The following SMAP1 variants were observed in gnomAD, a reference collection of about 807,000 sequenced individuals.
The protein encoded by SMAP1 is small ArfGAP 1, also known as stromal membrane-associated protein 1.
SMAP1 carries 24 observed loss-of-function variants against 58.5 expected under a neutral mutation model. The ratio of observed to expected loss-of-function variants is 0.41; its 90% CI spans 0.30 to 0.58. The LOEUF is 0.58. Among genes scored for constraint, SMAP1 ranks in the 20% least tolerant of loss-of-function variants. SMAP1 has a pLI of 0.29. For missense variants in SMAP1, 563 were observed against 566.3 expected (o/e 0.99, Z 0.06); for synonymous variants, 216 against 196.6 (o/e 1.10, Z -0.82).
intron 3 of SMAP1, among the ~76,000 whole-genome samples, chr6:70,767,472 G>C (rs527772360): frequency 6.6e-6 from 1 of 152,254 alleles, no homozygotes; most frequent in East Asian, 1.9e-4. Flanking sequence ...CACATCCCTT[G>C]TAAGTTGGAT....
chr6:70,858,859 G>T (rs1160163595), intron 10 of SMAP1: 1 of 152,910 alleles, frequency 6.5e-6, no homozygotes. Flanking sequence ...ATTCCCATAA[G>T]GTGTGAACCA....
At chr6:70,753,402 T>C (rs972677368) in intron 2 of SMAP1, among the ~76,000 whole-genome samples, 1 of 152,216 alleles carries the variant, frequency 6.6e-6, no homozygotes, top group African/African-American at 2.4e-5. Context: ...CATTGCAGAC[T>C]AAGGCATTTT....
chr6:70,733,763 A>G (rs1765516326), intron 2 of SMAP1, among the ~76,000 whole-genome samples: 1 of 152,196 alleles, frequency 6.6e-6, no homozygotes, highest in Non-Finnish European at 1.5e-5. Flanking sequence ...GGTACAAAGC[A>G]TTCACGACCG....
At chr6:70,857,090 T>C in intron 9 of SMAP1, 60 bp downstream of exon 9, 3 of 1,442,214 alleles carry the variant, frequency 2.1e-6, no homozygotes, top group South Asian at 1.5e-5. Context: ...TTTGTAATTA[T>C]ATAATAAGAT....
intron 1 of SMAP1, among the ~76,000 whole-genome samples, chr6:70,699,959 C>G (rs1229079982): frequency 6.6e-6 from 1 of 151,830 alleles, no homozygotes; most frequent in African/African-American, 2.4e-5. Flanking sequence ...TTCCTTTCCT[C>G]AAGCAGAAGG....
intron 4 of SMAP1, among the ~76,000 whole-genome samples, chr6:70,785,906 G>A (rs867702740): frequency 6.6e-6 from 1 of 152,040 alleles, no homozygotes; most frequent in Non-Finnish European, 1.5e-5. Flanking sequence ...CTTCTGAAAC[G>A]ATTCCAATCA....
At chr6:70,746,406 C>T (rs760605303) in intron 2 of SMAP1, among the ~76,000 whole-genome samples, 1 of 152,102 alleles carries the variant, frequency 6.6e-6, no homozygotes, top group Non-Finnish European at 1.5e-5. Context: ...TGTCAAAGGC[C>T]TTTTCTGCAT....
In SMAP1 at chr6:70,837,953, C is replaced by T. The variant is rs533024902; in HGVS notation, c.664+925C>T. The T allele has an allele frequency of 2.0e-4, 223 of 1,096,484 alleles. No individual in the cohort carries two copies. The East Asian group carries it at 2.5e-3, about 12-fold the overall frequency. The allele number at this position is 1,096,484 out of a possible 1,614,324, so 67.9% of individuals were successfully genotyped here. ...TTCATTTCTTAGGAAGCTGGTACAT[C>T]GTACAAATATACTCCCTGGAGGTAC... is the stretch of plus-strand genomic sequence containing the variant. On this transcript the variant is annotated intron_variant, in intron 7 of 10. Transcript: ENST00000370455.
intron 1 of SMAP1, among the ~76,000 whole-genome samples, chr6:70,675,592 A>G (rs957112722): frequency 7.3e-5 from 11 of 151,518 alleles, no homozygotes; most frequent in African/African-American, 2.4e-4. Context: ...CGGAGCTTAC[A>G]GTGAGCCAAG....
rs1766094930 is a variant in SMAP1, at chr6:70,667,967, T to G, written c.-57T>G. 4 of 1,473,396 alleles carry G rather than the reference T, an allele frequency of 2.7e-6. No individual in the cohort carries two copies. The South Asian group carries it at 4.9e-5, about 18-fold the overall frequency. The allele number at this position is 1,473,396 out of a possible 1,614,324, so 91.3% of individuals were successfully genotyped here. On this transcript the variant is annotated 5_prime_UTR_variant, in exon 1 of 11. Transcript: ENST00000370455. ...GCCAGGTGCGTTCACTCTGCCCGGC[T>G]CCAGCCAGCGTCCGCCGCCGCCGTA...
intron 4 of SMAP1, among the ~76,000 whole-genome samples, chr6:70,786,657 A>G (rs555023480): frequency 2.0e-5 from 3 of 152,314 alleles, no homozygotes; most frequent in South Asian, 4.1e-4. Flanking sequence ...TTATACATCA[A>G]TAACAGACAA....
chr6:70,678,218 C>T (rs747499471), intron 1 of SMAP1, among the ~76,000 whole-genome samples: 48 of 152,064 alleles, frequency 3.2e-4, no homozygotes, highest in Non-Finnish European at 6.6e-4. Flanking sequence ...TTTTTGGTCT[C>T]CATTTGACTA....
intron 10 of SMAP1, 188 bp downstream of exon 10, chr6:70,858,417 T>C: frequency 1.9e-6 from 1 of 525,964 alleles, no homozygotes; most frequent in South Asian, 3.4e-5. Context: ...ACAAATGATG[T>C]GTTATTATCG....
chr6:70,786,837 G>T (rs1650007935), intron 4 of SMAP1, among the ~76,000 whole-genome samples: 1 of 152,192 alleles, frequency 6.6e-6, no homozygotes, highest in Non-Finnish European at 1.5e-5. Context: ...CATGCTCATG[G>T]ACAGGAAGAA....
intron 4 of SMAP1, among the ~76,000 whole-genome samples, chr6:70,788,390 T>C (rs1768173313): frequency 1.3e-5 from 2 of 151,836 alleles, no homozygotes; most frequent in Non-Finnish European, 1.5e-5. Context: ...ACATGGCACA[T>C]GTATACATAT....
chr6:70,710,134 A>G (rs1767993754), intron 1 of SMAP1, among the ~76,000 whole-genome samples: 1 of 152,186 alleles, frequency 6.6e-6, no homozygotes, highest in African/African-American at 2.4e-5. Context: ...AGGCAATTGT[A>G]GCACATAGTG....
At chr6:70,847,803 A>G (rs1054059452) in intron 7 of SMAP1, among the ~76,000 whole-genome samples, 3 of 152,154 alleles carry the variant, frequency 2.0e-5, no homozygotes, top group Non-Finnish European at 4.4e-5. Flanking sequence ...GTGCATGTCT[A>G]CGGTGAATTC....
rs144660734 is a variant in SMAP1, at chr6:70,783,703, T to C, written c.415-7986T>C. Reference sequence around the variant, plus strand: ...GATCAACTGGAAGAAAGGGTATCAGTGATGGAAGACGAAATGAATGAAATG... The same window carrying C: ...GATCAACTGGAAGAAAGGGTATCAGCGATGGAAGACGAAATGAATGAAATG... On this transcript the variant is annotated intron_variant, in intron 4 of 10. Transcript: ENST00000370455. Among the ~76,000 whole-genome samples the C allele has an allele frequency of 5.2e-3, 790 of 152,056 alleles. 7 individuals carry two copies. Among genetic ancestry groups the C allele is most frequent in the African/African-American group, 0.018 (759 of 41,474 alleles).
chr6:70,752,812 C>A (rs1330937159), intron 2 of SMAP1, among the ~76,000 whole-genome samples: 1 of 152,008 alleles, frequency 6.6e-6, no homozygotes, highest in Non-Finnish European at 1.5e-5. Context: ...TTTATAGTCA[C>A]AAAATGATCT....
Sources: allele counts gnomAD v4.1 joint callset (sites outside exome capture counted in the v4.1 genomes callset), GRCh38; gene constraint gnomAD v4.1.1; transcripts MANE v1.5; gene names NCBI Gene and HGNC (gene_info 2026-07-23, HGNC 2026-07-21).